SLC2A13: variants seen among roughly 807,000 people sequenced by gnomAD.
SLC2A13 encodes solute carrier family 2 member 13.
In SLC2A13, 32 loss-of-function variants were observed where a neutral mutation model predicts 64.4. The ratio of observed to expected loss-of-function variants is 0.50; its 90% CI spans 0.37 to 0.67. The LOEUF (loss-of-function observed/expected upper bound fraction) is 0.67, where lower values mean the gene tolerates loss of function less well. Ranked by LOEUF, SLC2A13 falls within the 30% of genes least tolerant of loss-of-function variation. The probability of loss-of-function intolerance (pLI) is 0.00; values close to 1 mark genes in which losing one functional copy is unlikely to be tolerated. For missense variants in SLC2A13, 743 were observed against 829.2 expected, an observed-to-expected ratio of 0.90 and a Z score of 1.28; for synonymous variants, 338 against 327.1, an observed-to-expected ratio of 1.03 and a Z score of -0.36.
intron 6 of SLC2A13, among the ~76,000 whole-genome samples, chr12:39,843,997 G>A (rs183844703): frequency 4.6e-5 from 7 of 152,014 alleles, no homozygotes; most frequent in Admixed American, 4.6e-4. Flanking sequence ...GTAGGTCATA[G>A]AGCTTTACCA....
At chr12:40,089,182 C>G (rs1037774527) in intron 1 of SLC2A13, among the ~76,000 whole-genome samples, 1 of 152,054 alleles carries the variant, frequency 6.6e-6, no homozygotes, top group Non-Finnish European at 1.5e-5. Context: ...TCAGAGTGGT[C>G]ATCTCCGTAC....
chr12:40,036,682 T>C (rs1158932236), intron 2 of SLC2A13, among the ~76,000 whole-genome samples: 3 of 152,200 alleles, frequency 2.0e-5, no homozygotes, highest in Non-Finnish European at 4.4e-5. Flanking sequence ...ATTACTTTAG[T>C]GTTATAATAA....
At chr12:40,066,536 C>T (rs182073058) in intron 1 of SLC2A13, among the ~76,000 whole-genome samples, 2 of 152,322 alleles carry the variant, frequency 1.3e-5, no homozygotes. Flanking sequence ...TAATCCATCA[C>T]TTATTCCGAA....
intron 6 of SLC2A13, among the ~76,000 whole-genome samples, chr12:39,843,855 C>T (rs1943239089): frequency 6.6e-6 from 1 of 151,976 alleles, no homozygotes; most frequent in Non-Finnish European, 1.5e-5. Context: ...TATACCAGCT[C>T]AACTTATTTC....
chr12:39,958,185 G>A (rs1299938789), intron 3 of SLC2A13, among the ~76,000 whole-genome samples: 1 of 152,138 alleles, frequency 6.6e-6, no homozygotes, highest in Non-Finnish European at 1.5e-5. Flanking sequence ...CAGAATTAAT[G>A]TATGTATGCC....
intron 3 of SLC2A13, among the ~76,000 whole-genome samples, chr12:39,952,843 T>C (rs1178268984): frequency 1.3e-5 from 2 of 152,124 alleles, no homozygotes; most frequent in Non-Finnish European, 2.9e-5. Context: ...AATGCTGAAA[T>C]ATATCTGGAT....
intron 3 of SLC2A13, among the ~76,000 whole-genome samples, chr12:40,011,930 TCG>T (rs1292738872): frequency 2.0e-5 from 3 of 151,954 alleles, no homozygotes; most frequent in African/African-American, 7.3e-5. Flanking sequence ...GCTGCAGAGG[TCG>T]CGTGTCCATG....
rs959539926 is a variant in SLC2A13, at chr12:40,105,037, T to G, written c.556+216A>C. ...GATTCCACGTGCGCTCGAGGGAGAC[T>G]AGAGTGACACCCCCTCCCCCCCGAC... On this transcript the variant is annotated intron_variant, in intron 1 of 9. Transcript: ENST00000280871. The surrounding 1 kb of genome is among the most constrained non-coding windows in gnomAD (Gnocchi z 4.2). Among the ~76,000 whole-genome samples the G allele has an allele frequency of 3.9e-5, 6 of 152,032 alleles. No individual in the cohort carries two copies. Among genetic ancestry groups the G allele is most frequent in the African/African-American group, 1.5e-4 (6 of 41,368 alleles).
chr12:39,978,233 C>A (rs922301610), intron 3 of SLC2A13, among the ~76,000 whole-genome samples: 1 of 152,194 alleles, frequency 6.6e-6, no homozygotes, highest in Non-Finnish European at 1.5e-5. Flanking sequence ...TCCATCTCCC[C>A]CAAATGGAAG....
At chr12:39,980,803 T>C (rs1337420782) in intron 3 of SLC2A13, among the ~76,000 whole-genome samples, 3 of 152,018 alleles carry the variant, frequency 2.0e-5, no homozygotes, top group South Asian at 4.2e-4. Flanking sequence ...GGAATTGAAC[T>C]CAGCTCTGCA....
intron 6 of SLC2A13, among the ~76,000 whole-genome samples, chr12:39,852,722 A>T (rs1398783096): frequency 6.6e-6 from 1 of 152,122 alleles, no homozygotes; most frequent in Non-Finnish European, 1.5e-5. Flanking sequence ...TGTAACCTCC[A>T]CCCTTTCTGC....
chr12:40,096,265 C>T (rs12814276), intron 1 of SLC2A13, among the ~76,000 whole-genome samples: 1,774 of 152,092 alleles, frequency 0.012, 14 homozygotes, highest in Non-Finnish European at 0.02. Flanking sequence ...TAGTAAGTAT[C>T]GTGTTCTTTT....
rs145189662 is a variant in SLC2A13 at position 40,072,975 on chromosome 12, C to A, written c.557-24765G>T. Among the ~76,000 whole-genome samples the A allele has an allele frequency of 1.1e-3, 173 of 151,944 alleles. 1 individual carries two copies. Among genetic ancestry groups the A allele is most frequent in the African/African-American group, 3.4e-3 (140 of 41,470 alleles). On this transcript the variant is annotated intron_variant, in intron 1 of 9. Coordinates refer to ENST00000280871, the MANE Select transcript of SLC2A13 (RefSeq NM_052885.4). ...TGTGTGGATTTAGTTGAGCATTTTA[C>A]GTGATTTTATCTTCACTCCTTTCTC...
intron 1 of SLC2A13, among the ~76,000 whole-genome samples, chr12:40,067,690 A>G (rs1276163942): frequency 1.3e-5 from 2 of 152,102 alleles, no homozygotes; most frequent in South Asian, 2.1e-4. Context: ...CTACACATCT[A>G]TTCTGGACTG....
intron 4 of SLC2A13, among the ~76,000 whole-genome samples, chr12:39,914,154 G>T (rs1945480242): frequency 6.6e-6 from 1 of 152,056 alleles, no homozygotes; most frequent in African/African-American, 2.4e-5. Flanking sequence ...GAATGACAGT[G>T]AGAGTTCTGC....
At chr12:39,918,851 C>T (rs80246587) in intron 4 of SLC2A13, among the ~76,000 whole-genome samples, 1 of 123,896 alleles carries the variant, frequency 8.1e-6, no homozygotes, top group Non-Finnish European at 1.8e-5. Flanking sequence ...GACTCTGTCT[C>T]AAAAAAAAAA....
intron 7 of SLC2A13, among the ~76,000 whole-genome samples, chr12:39,765,525 A>G (rs2135714799): frequency 6.6e-6 from 1 of 152,036 alleles, no homozygotes. Flanking sequence ...AAACATTCCT[A>G]TCCCCTATTG....
At chr12:40,066,925 T>C (rs1053478520) in intron 1 of SLC2A13, among the ~76,000 whole-genome samples, 2 of 152,314 alleles carry the variant, frequency 1.3e-5, no homozygotes, top group East Asian at 3.9e-4. Flanking sequence ...AAGGACTTAG[T>C]TTTACAATTC....
chr12:39,942,940 C>T (rs1946062994), intron 4 of SLC2A13, among the ~76,000 whole-genome samples: 1 of 152,084 alleles, frequency 6.6e-6, no homozygotes, highest in Non-Finnish European at 1.5e-5. Context: ...TGGAGTTTCT[C>T]TGTGGATGTC....
Sources: gnomAD v4.1 joint callset for allele counts (sites outside exome capture counted in the v4.1 genomes callset) on GRCh38, gnomAD v4.1.1 for gene constraint, Gnocchi (gnomAD v3.1) non-coding constraint, MANE v1.5 for transcripts, NCBI Gene and HGNC (gene_info 2026-07-23, HGNC 2026-07-21) for gene names.